TAF15: variants seen among roughly 807,000 people sequenced by gnomAD.
The protein encoded by TAF15 is TATA-box binding protein associated factor 15.
In TAF15, 37 loss-of-function variants were observed where a neutral mutation model predicts 102.5. The ratio of observed to expected loss-of-function variants is 0.36; its 90% CI spans 0.28 to 0.47. The LOEUF is 0.47. Among genes scored for constraint, TAF15 ranks in the 20% least tolerant of loss-of-function variants. The pLI is 0.99. For synonymous variants in TAF15, 273 were observed against 259.2 expected, an observed-to-expected ratio of 1.05 and a Z score of -0.51; for missense variants, 652 against 760.7, an observed-to-expected ratio of 0.86 and a Z score of 1.68.
chr17:35,845,063 A>G, intron 15 of TAF15, 25 bp downstream of exon 15: 3 of 1,613,204 alleles, frequency 1.9e-6, no homozygotes, highest in Non-Finnish European at 2.5e-6. Flanking sequence ...GTGTTTATTA[A>G]CCTTTTTACC....
chr17:35,839,737 T>C (rs1481524220), intron 11 of TAF15, among the ~76,000 whole-genome samples: 1 of 152,130 alleles, frequency 6.6e-6, no homozygotes, highest in Non-Finnish European at 1.5e-5. Context: ...TCTATAGCCC[T>C]CTACTCAAAG....
Position 35,847,099 on chromosome 17 carries a change from C to A in TAF15, c.*154C>A. 1.3e-6 allele frequency: 1 copy of A among 756,238 alleles called. No individual in the cohort carries two copies. 46.8% of individuals were successfully genotyped at this position (756,238 alleles called of 1,614,324 possible). A position where few individuals can be genotyped will look rare whatever the true frequency, so the allele number is the denominator to read the frequency against. Reference sequence around the variant, plus strand: ...TGGGAGGGCTGGGACAGTTTTTCTTCTAGAAATGTCTGTTGAGATTTCCCC... The same window carrying A: ...TGGGAGGGCTGGGACAGTTTTTCTTATAGAAATGTCTGTTGAGATTTCCCC... On this transcript the variant is annotated 3_prime_UTR_variant, in exon 16 of 16. Transcript: ENST00000605844.
chr17:35,834,737 T>TTTA, intron 9 of TAF15, 139 bp downstream of exon 9: 4 of 566,454 alleles, frequency 7.1e-6, no homozygotes, highest in Non-Finnish European at 5.8e-6. Context: ...GGGAGCTTTA[T>TTTA]TTCTTTTTTT....
At chr17:35,818,756 A>G (rs967801665) in intron 2 of TAF15, 7 of 152,012 alleles carry the variant, frequency 4.6e-5, no homozygotes, top group African/African-American at 7.2e-5. Context: ...GGTTGTTACA[A>G]TGAGTTATGA....
rs2087607251 is a variant in TAF15 at position 35,845,012 on chromosome 17, T to G, written c.1713T>G (p.Gly571=). Residue 571 remains glycine (G), a synonymous_variant, in exon 15 of 16, where the codon GGT becomes GGG. Coordinates refer to ENST00000605844, the MANE Select transcript of TAF15 (RefSeq NM_139215.3). ...DRGGGYGGDR[G]GYGGKMGGRN... Reference sequence around the variant, plus strand: ...GTGGGGGCTACGGAGGAGACCGAGGTGGCTATGGAGGCAAAATGGGAGGAA... The same window carrying G: ...GTGGGGGCTACGGAGGAGACCGAGGGGGCTATGGAGGCAAAATGGGAGGAA... The G allele has an allele frequency of 6.2e-7, 1 of 1,613,772 alleles. No homozygotes were observed. Among genetic ancestry groups the G allele is most frequent in the Non-Finnish European group, 8.5e-7 (1 of 1,179,886 alleles).
Position 35,838,558 on chromosome 17 carries a change from G to A in TAF15, c.913+5G>A, listed in dbSNP as rs777596040. ...CAGCCATTGACTGGTTTGATGGTAT[G>A]CCTCATTCGTATAGTTTTCAGCATG... On this transcript the variant is annotated splice_donor_5th_base_variant and intron_variant, in intron 11 of 15. Transcript: ENST00000605844. 7.4e-6 allele frequency: 12 copies of A among 1,614,054 alleles called. No individual in the cohort carries two copies. The South Asian group carries it at 1.2e-4, about 16-fold the overall frequency.
intron 1 of TAF15, among the ~76,000 whole-genome samples, chr17:35,815,588 C>T (rs564357875): frequency 2.6e-5 from 4 of 152,234 alleles, no homozygotes; most frequent in African/African-American, 9.6e-5. Context: ...TTGCCTGAAC[C>T]TAAAGAAAAT....
At chr17:35,821,737 G>A (rs1441698360) in intron 5 of TAF15, among the ~76,000 whole-genome samples, 1 of 151,972 alleles carries the variant, frequency 6.6e-6, no homozygotes, top group Non-Finnish European at 1.5e-5. Flanking sequence ...CTTTCAAATC[G>A]CTAGAATAAG....
chr17:35,824,039 G>C, intron 6 of TAF15, 39 bp from the exon 7 acceptor site: 2 of 1,613,908 alleles, frequency 1.2e-6, no homozygotes, highest in Non-Finnish European at 1.7e-6. Context: ...CTTTAGAAAT[G>C]AGAGTGGTTA....
chr17:35,829,101 T>C (rs1008420055), intron 7 of TAF15, among the ~76,000 whole-genome samples: 15 of 152,278 alleles, frequency 9.9e-5, no homozygotes, highest in African/African-American at 3.1e-4. Flanking sequence ...GTGGAATTAA[T>C]GTTGGTCTTT....
At chr17:35,814,878 A>G (rs1043156224) in intron 1 of TAF15, among the ~76,000 whole-genome samples, 12 of 152,016 alleles carry the variant, frequency 7.9e-5, no homozygotes, top group African/African-American at 2.9e-4. Context: ...GTGTGTATAT[A>G]TATATGTATA....
chr17:35,823,870 T>C (rs772505659), intron 6 of TAF15, among the ~76,000 whole-genome samples: 1 of 152,206 alleles, frequency 6.6e-6, no homozygotes, highest in Non-Finnish European at 1.5e-5. Flanking sequence ...TGTTTTGCCA[T>C]GTCAGTTTAG....
At chr17:35,844,415 T>C (rs899371839) in intron 14 of TAF15, 47 bp downstream of exon 14, 2 of 1,610,478 alleles carry the variant, frequency 1.2e-6, no homozygotes, top group African/African-American at 1.3e-5. Context: ...ATCTTCTGAC[T>C]AGCATTAAGG....
At position 35,844,008 on chromosome 17, in the gene TAF15, A is replaced by G. The variant is rs4251780; in HGVS notation, c.1007-69A>G. ...ATTGATGGGTATCTACTCTTATGTT[A>G]TCTGATGCTTTTCTTCTGTTTTGTT... On this transcript the variant is annotated intron_variant, in intron 12 of 15. Coordinates refer to ENST00000605844, the MANE Select transcript of TAF15 (RefSeq NM_139215.3). The G allele has an allele frequency of 4.4e-5, 59 of 1,352,998 alleles. No individual in the cohort carries two copies. In the East Asian group the frequency reaches 1.0e-3, roughly 23 times the overall value. The allele number at this position is 1,352,998 out of a possible 1,614,324, so 83.8% of individuals were successfully genotyped here. A position where few individuals can be genotyped will look rare whatever the true frequency, so the allele number is the denominator to read the frequency against.
At chr17:35,833,694 G>C in intron 7 of TAF15, 1 of 571,652 alleles carries the variant, frequency 1.7e-6, no homozygotes. Context: ...TATGTAATAA[G>C]CTTGAAAAGA....
chr17:35,809,695 G>GT (rs1320350713), intron 1 of TAF15, 119 bp downstream of exon 1: 4 of 1,425,070 alleles, frequency 2.8e-6, no homozygotes, highest in African/African-American at 2.8e-5. Context: ...GAGGCTTGGG[G>GT]TGGGGGGGCG....
intron 10 of TAF15, among the ~76,000 whole-genome samples, chr17:35,837,701 C>T (rs975207666): frequency 5.3e-5 from 8 of 151,946 alleles, no homozygotes; most frequent in African/African-American, 1.9e-4. Flanking sequence ...GTGGCATGCG[C>T]CTGTAGTCCC....
intron 12 of TAF15, 28 bp downstream of exon 12, chr17:35,842,487 G>C: frequency 1.9e-6 from 3 of 1,559,346 alleles, no homozygotes; most frequent in East Asian, 2.2e-5. Flanking sequence ...TACAGTCCTG[G>C]ATACTATCCA....
intron 9 of TAF15, among the ~76,000 whole-genome samples, chr17:35,835,428 T>C (rs1049791001): frequency 1.3e-5 from 2 of 152,238 alleles, no homozygotes; most frequent in Non-Finnish European, 2.9e-5. Flanking sequence ...GATTTACCTG[T>C]GGAGCCTGTT....
Sources: allele counts gnomAD v4.1 joint callset (sites outside exome capture counted in the v4.1 genomes callset), GRCh38; gene constraint gnomAD v4.1.1; transcripts MANE v1.5; gene names NCBI Gene and HGNC (gene_info 2026-07-23, HGNC 2026-07-21).